GRM7: variants seen among roughly 807,000 people sequenced by gnomAD.
GRM7 encodes the protein glutamate metabotropic receptor 7, also known as metabotropic glutamate receptor 7.
A neutral mutation model predicts 84.5 loss-of-function variants in GRM7; 35 were observed. The observed-to-expected ratio is 0.41, with a 90% CI of 0.32 to 0.55. GRM7 has a LOEUF of 0.55. Ranked by LOEUF, GRM7 falls within the 20% of genes least tolerant of loss-of-function variation. The pLI, the probability that GRM7 is intolerant of heterozygous loss-of-function variation, is 0.19. For synonymous variants in GRM7, 487 were observed against 455.1 expected, an observed-to-expected ratio of 1.07 and a Z score of -0.89; for missense variants, 1,003 against 1,194.6, an observed-to-expected ratio of 0.84 and a Z score of 2.36.
intron 9 of GRM7, among the ~76,000 whole-genome samples, chr3:7,723,249 C>A (rs967249759): frequency 2.0e-5 from 3 of 152,112 alleles, no homozygotes; most frequent in Admixed American, 2.0e-4. Flanking sequence ...TCACTTAATA[C>A]CCAGCTTGTG....
At chr3:7,109,466 T>G (rs572121444) in intron 1 of GRM7, among the ~76,000 whole-genome samples, 1 of 152,276 alleles carries the variant, frequency 6.6e-6, no homozygotes, top group Admixed American at 6.5e-5. Flanking sequence ...TAGTTAATTC[T>G]CACCATTTTT....
At chr3:7,198,543 C>CA (rs772443962) in intron 2 of GRM7, among the ~76,000 whole-genome samples, 19 of 152,098 alleles carry the variant, frequency 1.2e-4, no homozygotes, top group Non-Finnish European at 2.1e-4. Flanking sequence ...TATCTTAAGT[C>CA]AAAATACATT....
chr3:7,562,474 G>A (rs540744140), intron 7 of GRM7, among the ~76,000 whole-genome samples: 93 of 152,132 alleles, frequency 6.1e-4, no homozygotes, highest in Admixed American at 1.0e-3. Flanking sequence ...GAAGTTAAGT[G>A]AGTCGATCAA....
At chr3:7,470,042 T>G (rs1429150548) in intron 7 of GRM7, among the ~76,000 whole-genome samples, 1 of 152,168 alleles carries the variant, frequency 6.6e-6, no homozygotes, top group Non-Finnish European at 1.5e-5. Context: ...GCTGGCTAAA[T>G]CAAAGGAGCA....
At chr3:7,420,781 C>T (rs1365550617) in intron 5 of GRM7, among the ~76,000 whole-genome samples, 1 of 152,110 alleles carries the variant, frequency 6.6e-6, no homozygotes, top group Non-Finnish European at 1.5e-5. Flanking sequence ...ATGTTAAATA[C>T]TAAATCCTTA....
chr3:6,973,375 T>TC (rs1413928866), intron 1 of GRM7, among the ~76,000 whole-genome samples: 11 of 152,152 alleles, frequency 7.2e-5, no homozygotes. Context: ...ATAATTGGCA[T>TC]CCCTATTTAC....
intron 3 of GRM7, among the ~76,000 whole-genome samples, chr3:7,301,324 C>A (rs1218000093): frequency 6.6e-6 from 1 of 152,122 alleles, no homozygotes; most frequent in Non-Finnish European, 1.5e-5. Flanking sequence ...TTATTTTCCT[C>A]ACTTCGTATT....
At chr3:7,295,056 A>T (rs576589877) in intron 2 of GRM7, among the ~76,000 whole-genome samples, 73 of 152,248 alleles carry the variant, frequency 4.8e-4, no homozygotes, top group African/African-American at 1.5e-3. Flanking sequence ...TGTACTTTGG[A>T]TATTATATTC....
intron 1 of GRM7, among the ~76,000 whole-genome samples, chr3:6,887,206 A>G (rs1695729966): frequency 6.6e-6 from 1 of 151,682 alleles, no homozygotes. Context: ...TTTTTTTAGA[A>G]GTAAAGTTTA....
chr3:6,942,616 T>C (rs1697930893), intron 1 of GRM7, among the ~76,000 whole-genome samples: 1 of 152,142 alleles, frequency 6.6e-6, no homozygotes, highest in Non-Finnish European at 1.5e-5. Context: ...CACCACAGTT[T>C]GTTCCATATA....
chr3:7,602,209 G>T (rs932403716), intron 8 of GRM7, among the ~76,000 whole-genome samples: 20 of 152,050 alleles, frequency 1.3e-4, no homozygotes, highest in African/African-American at 4.8e-4. Flanking sequence ...GGTGCCCTTG[G>T]AATGGAATTG....
At chr3:7,462,725 A>C (rs1025447949) in intron 7 of GRM7, among the ~76,000 whole-genome samples, 6 of 152,134 alleles carry the variant, frequency 3.9e-5, no homozygotes, top group Non-Finnish European at 7.4e-5. Flanking sequence ...CCTCATTTGC[A>C]CAGAGCCTTA....
intron 7 of GRM7, among the ~76,000 whole-genome samples, chr3:7,505,013 T>G (rs1431636899): frequency 6.6e-6 from 1 of 152,106 alleles, no homozygotes; most frequent in Non-Finnish European, 1.5e-5. Context: ...TCAAAACAAG[T>G]TATCTACTTT....
At chr3:7,499,544 T>G (rs1699816007) in intron 7 of GRM7, among the ~76,000 whole-genome samples, 1 of 152,222 alleles carries the variant, frequency 6.6e-6, no homozygotes, top group Non-Finnish European at 1.5e-5. Flanking sequence ...GGCTCTATTT[T>G]AAATGCTTTA....
At chr3:7,168,617 G>T (rs1359306426) in intron 2 of GRM7, among the ~76,000 whole-genome samples, 1 of 152,122 alleles carries the variant, frequency 6.6e-6, no homozygotes, top group Non-Finnish European at 1.5e-5. Context: ...TTCAATGTAT[G>T]ACATTTTGTT....
intron 2 of GRM7, among the ~76,000 whole-genome samples, chr3:7,199,182 C>T (rs531906437): frequency 2.0e-5 from 3 of 152,234 alleles, no homozygotes; most frequent in African/African-American, 7.2e-5. Context: ...CAGGTCTAGC[C>T]ATTAAGAGGC....
intron 4 of GRM7, among the ~76,000 whole-genome samples, chr3:7,341,371 ATG>A (rs35101994): frequency 0.2 from 29,102 of 148,710 alleles, 3,442 homozygotes; most frequent in African/African-American, 0.35. Flanking sequence ...AATTCAACTC[ATG>A]TTTTTTTTTT....
intron 1 of GRM7, among the ~76,000 whole-genome samples, chr3:6,892,339 G>T (rs1165236256): frequency 6.6e-6 from 1 of 151,660 alleles, no homozygotes; most frequent in African/African-American, 2.4e-5. Context: ...TGTTGGGTCA[G>T]CGAGGCAGGC....
At chr3:7,170,868 T>C (rs1214423954) in intron 2 of GRM7, among the ~76,000 whole-genome samples, 1 of 152,166 alleles carries the variant, frequency 6.6e-6, no homozygotes, top group Non-Finnish European at 1.5e-5. Flanking sequence ...CCTTCCAGGC[T>C]CATCTTGCCA....
Sources: gnomAD v4.1 joint callset for allele counts (sites outside exome capture counted in the v4.1 genomes callset) on GRCh38, gnomAD v4.1.1 for gene constraint, MANE v1.5 for transcripts, NCBI Gene and HGNC (gene_info 2026-07-23, HGNC 2026-07-21) for gene names.